The following PPP2R2B variants were observed in gnomAD, a reference collection of about 807,000 sequenced individuals.
The protein encoded by PPP2R2B is serine/threonine-protein phosphatase 2A 55 kDa regulatory subunit B beta isoform.
PPP2R2B carries 5 observed loss-of-function variants against 46.0 expected under a neutral mutation model. That is an observed-to-expected ratio of 0.11 (90% CI 0.06 to 0.23). The LOEUF is 0.23. Ranked by LOEUF, PPP2R2B falls within the 10% of genes least tolerant of loss-of-function variation. The pLI is 1.00. For synonymous variants in PPP2R2B, 215 were observed against 206.7 expected (o/e 1.04, Z -0.34); for missense variants, 367 against 575.0 (o/e 0.64, Z 3.70).
At chr5:146,954,633 C>T (rs1297339795) in intron 1 of PPP2R2B, among the ~76,000 whole-genome samples, 1 of 151,990 alleles carries the variant, frequency 6.6e-6, no homozygotes, top group African/African-American at 2.4e-5. Flanking sequence ...AACCAAACAC[C>T]ACCATTCCCC....
intron 2 of PPP2R2B, among the ~76,000 whole-genome samples, chr5:146,756,492 C>T (rs543921592): frequency 1.4e-4 from 22 of 152,232 alleles, no homozygotes; most frequent in African/African-American, 4.8e-4. Context: ...AAGTTTCTTT[C>T]GATTAACTGA....
chr5:146,793,605 T>C (rs1474576788), intron 2 of PPP2R2B, among the ~76,000 whole-genome samples: 1 of 152,170 alleles, frequency 6.6e-6, no homozygotes, highest in African/African-American at 2.4e-5. Context: ...CAAGAGCATA[T>C]ATGCTCACCT....
chr5:146,945,063 G>A (rs539127130), intron 1 of PPP2R2B, among the ~76,000 whole-genome samples: 10 of 152,240 alleles, frequency 6.6e-5, no homozygotes, highest in African/African-American at 2.4e-4. Flanking sequence ...GCCATAGTTG[G>A]GGAATTATTT....
rs535985408 is a variant in PPP2R2B at position 146,708,529 on chromosome 5, ATTCCATT to A, written c.71-7394_71-7388del. ...ATAACCACTATCATGATATAGAACA[ATTCCATT>A]GACCCCAGAAAGTTCCTTCATACTG... On this transcript the variant is annotated intron_variant, in intron 2 of 9. Transcript: ENST00000394411. Among the ~76,000 whole-genome samples, 34 of 152,192 alleles carry A rather than the reference ATTCCATT, an allele frequency of 2.2e-4. 1 individual carries two copies. The highest frequency in any genetic ancestry group is 4.7e-4 in the Non-Finnish European group (32 of 68,014).
At chr5:146,956,017 T>C (rs1167892495) in intron 1 of PPP2R2B, among the ~76,000 whole-genome samples, 1 of 151,938 alleles carries the variant, frequency 6.6e-6, no homozygotes, top group Admixed American at 6.6e-5. Flanking sequence ...GAACTCATGA[T>C]CCACCTACCT....
At chr5:147,038,445 T>G (rs2151895474) in intron 1 of PPP2R2B, among the ~76,000 whole-genome samples, 1 of 152,234 alleles carries the variant, frequency 6.6e-6, no homozygotes, top group African/African-American at 2.4e-5. Flanking sequence ...AACACTTCCT[T>G]TATTAAATTA....
chr5:146,636,149 A>AT (rs1774805377), intron 7 of PPP2R2B, among the ~76,000 whole-genome samples: 2 of 152,186 alleles, frequency 1.3e-5, no homozygotes, highest in Admixed American at 1.3e-4. Flanking sequence ...ATAAAACACA[A>AT]TTTTTATTAA....
At chr5:146,787,400 A>G (rs758039757) in intron 2 of PPP2R2B, among the ~76,000 whole-genome samples, 106 of 152,314 alleles carry the variant, frequency 7.0e-4, no homozygotes, top group Non-Finnish European at 1.1e-3. Flanking sequence ...ATGTTTTTCA[A>G]ATGTTGGCAG....
At chr5:146,653,202 A>C (rs1416099540) in intron 5 of PPP2R2B, among the ~76,000 whole-genome samples, 1 of 152,150 alleles carries the variant, frequency 6.6e-6, no homozygotes, top group Non-Finnish European at 1.5e-5. Flanking sequence ...GGGGACTGGA[A>C]AGTGAATGTT....
intron 2 of PPP2R2B, among the ~76,000 whole-genome samples, chr5:147,079,372 T>TAA (rs1580894843): frequency 7.5e-6 from 1 of 134,048 alleles, no homozygotes; most frequent in Non-Finnish European, 1.7e-5. Context: ...TATATATATA[T>TAA]AATATGTGAT....
intron 1 of PPP2R2B, among the ~76,000 whole-genome samples, chr5:146,886,601 A>C (rs1762336881): frequency 6.6e-6 from 1 of 152,034 alleles, no homozygotes; most frequent in Admixed American, 6.5e-5. Context: ...AGAAACGCTT[A>C]AAAGTAGTGA....
intron 1 of PPP2R2B, among the ~76,000 whole-genome samples, chr5:146,998,763 T>G (rs1754030812): frequency 6.6e-6 from 1 of 152,152 alleles, no homozygotes; most frequent in Admixed American, 6.6e-5. Context: ...AAAATGACTT[T>G]ATTCCACTTG....
At chr5:146,685,936 A>T (rs1778474137) in intron 5 of PPP2R2B, among the ~76,000 whole-genome samples, 2 of 152,096 alleles carry the variant, frequency 1.3e-5, no homozygotes, top group Non-Finnish European at 2.9e-5. Context: ...CTTTGATAAA[A>T]CGTTCTGAGA....
At chr5:146,901,970 G>C (rs1762849518) in intron 1 of PPP2R2B, among the ~76,000 whole-genome samples, 1 of 152,160 alleles carries the variant, frequency 6.6e-6, no homozygotes, top group Non-Finnish European at 1.5e-5. Flanking sequence ...CATAATTCAC[G>C]GGGCCTGTAG....
Position 147,053,225 on chromosome 5 carries a change from AACAC to A in PPP2R2B, c.79+2436_79+2439del, listed in dbSNP as rs3063247. On this transcript the variant is annotated intron_variant, in intron 1 of 8. Coordinates refer to the PPP2R2B transcript ENST00000336640. Reference sequence around the variant, plus strand: ...TGGCCTTCCTGCATTAAAAAAAAAAAACACACGCGCACACAAAAAAAGCAAACAA... The same window carrying A: ...TGGCCTTCCTGCATTAAAAAAAAAAAACGCGCACACAAAAAAAGCAAACAA... Among the ~76,000 whole-genome samples the A allele has an allele frequency of 2.5e-4, 37 of 147,306 alleles. 2 individuals carry two copies. The South Asian group carries it at 3.9e-3, about 15-fold the overall frequency.
At chr5:146,803,884 C>T (rs1757013420) in intron 2 of PPP2R2B, among the ~76,000 whole-genome samples, 1 of 152,114 alleles carries the variant, frequency 6.6e-6, no homozygotes, top group African/African-American at 2.4e-5. Context: ...TATAGTTAAG[C>T]TGGTTGGGCA....
At chr5:146,875,627 T>G (rs947551351) in intron 2 of PPP2R2B, among the ~76,000 whole-genome samples, 1 of 151,990 alleles carries the variant, frequency 6.6e-6, no homozygotes, top group Non-Finnish European at 1.5e-5. Flanking sequence ...AGGAGATATT[T>G]TGGAGGAAAA....
intron 1 of PPP2R2B, among the ~76,000 whole-genome samples, chr5:146,973,209 A>G (rs1197076249): frequency 5.3e-5 from 8 of 152,182 alleles, no homozygotes; most frequent in Admixed American, 4.6e-4. Context: ...GTAGCAATTT[A>G]TGGCCTATTT....
At chr5:146,963,364 C>T (rs2127569) in intron 1 of PPP2R2B, among the ~76,000 whole-genome samples, 2 of 151,998 alleles carry the variant, frequency 1.3e-5, no homozygotes, top group East Asian at 1.9e-4. Flanking sequence ...AGCACCACCA[C>T]GGAGTAGGGA....
Sources: gnomAD v4.1 joint callset for allele counts (sites outside exome capture counted in the v4.1 genomes callset) on GRCh38, gnomAD v4.1.1 for gene constraint, MANE v1.5 for transcripts, NCBI Gene and HGNC (gene_info 2026-07-23, HGNC 2026-07-21) for gene names.